DELE1: variants seen among roughly 807,000 people sequenced by gnomAD.
The protein encoded by DELE1 is DAP3 binding cell death enhancer 1, also known as death ligand signal enhancer.
Under a neutral mutation model 59.3 loss-of-function variants are expected in DELE1, and 54 were observed. The ratio of observed to expected loss-of-function variants is 0.91; its 90% CI spans 0.73 to 1.14. The LOEUF is 1.14. Among genes scored for constraint, DELE1 ranks in the 50% most tolerant of loss-of-function variants. The pLI is 0.00. For synonymous variants in DELE1, 264 were observed against 259.1 expected, an observed-to-expected ratio of 1.02 and a Z score of -0.18; for missense variants, 636 against 643.9, an observed-to-expected ratio of 0.99 and a Z score of 0.13.
intron 7 of DELE1, among the ~76,000 whole-genome samples, chr5:141,932,889 G>A (rs970364589): frequency 5.9e-5 from 9 of 151,992 alleles, no homozygotes; most frequent in African/African-American, 2.2e-4. Context: ...GAGATCAAGA[G>A]TTTGAGACAA....
At chr5:141,936,993 A>G in intron 10 of DELE1, 2 of 1,418,912 alleles carry the variant, frequency 1.4e-6, no homozygotes, top group Non-Finnish European at 9.2e-7. Context: ...GGGTGGAGGG[A>G]TCCCCCTCTC....
intron 10 of DELE1, among the ~76,000 whole-genome samples, chr5:141,935,254 G>C (rs1179080163): frequency 1.3e-5 from 2 of 152,106 alleles, no homozygotes; most frequent in African/African-American, 4.8e-5. Context: ...TAGTTCTCTG[G>C]GATGCTTGTA....
rs190362003 is a variant in DELE1 at position 141,928,122 on chromosome 5, C to T, written c.265-29C>T. 3.7e-4 allele frequency: 597 copies of T among 1,605,168 alleles called. 4 individuals carry two copies. In the Middle Eastern group the frequency reaches 7.5e-3, roughly 20 times the overall value. ...TCTGATGGAGTTGATTGGTGAAGGACCGTGTCCTTAACGTGCTGTCTTTCC... is the reference window on the plus strand; with the variant it reads ...TCTGATGGAGTTGATTGGTGAAGGATCGTGTCCTTAACGTGCTGTCTTTCC... On this transcript the variant is annotated intron_variant, in intron 3 of 11. Coordinates refer to ENST00000432126, the MANE Select transcript of DELE1 (RefSeq NM_014773.5).
rs771502866 is a variant in DELE1, at chr5:141,925,452, C to G, written c.189C>G (p.Ser63=). Residue 63 remains serine (S), a synonymous_variant, in exon 3 of 12, where the codon TCC becomes TCG. Transcript: ENST00000432126. ...HGPGTSGGPR[S]HGWKDAFQWM... ...CAGGCACGAGCGGGGGTCCAAGGTC[C>G]CATGGATGGAAGGATGCCTTCCAAT... The G allele has an allele frequency of 1.9e-6, 3 of 1,604,046 alleles. No homozygotes were observed. Among genetic ancestry groups the G allele is most frequent in the Non-Finnish European group, 2.6e-6 (3 of 1,175,562 alleles).
At chr5:141,934,848 T>C in intron 10 of DELE1, 1 of 505,328 alleles carries the variant, frequency 2.0e-6, no homozygotes, top group Non-Finnish European at 3.5e-6. Context: ...CAGAAATTGC[T>C]AAATGCCATA....
chr5:141,930,151 G>A (rs758595459), intron 6 of DELE1, 27 bp from the exon 7 acceptor site: 3 of 1,608,154 alleles, frequency 1.9e-6, no homozygotes, highest in Admixed American at 3.3e-5. Flanking sequence ...ACCATCCCTT[G>A]GTGAGTCTTT....
Position 141,941,799 on chromosome 5 carries a change from A to G in DELE1, c.*3040A>G. ...GGGCACTCAGATGTTCAGTAAATAT[A>G]CATTCAACAAATAAGTGAGTGATTA... On this transcript the variant is annotated 3_prime_UTR_variant, in exon 12 of 12. Transcript: ENST00000432126. 2.0e-6 allele frequency: 2 copies of G among 985,398 alleles called. No homozygotes were observed. Among genetic ancestry groups the G allele is most frequent in the Non-Finnish European group, 2.4e-6 (2 of 829,926 alleles). The allele number at this position is 985,398 out of a possible 1,614,324, so 61.0% of individuals were successfully genotyped here.
At chr5:141,931,701 T>A (rs1429179347) in intron 7 of DELE1, among the ~76,000 whole-genome samples, 1 of 152,168 alleles carries the variant, frequency 6.6e-6, no homozygotes, top group Non-Finnish European at 1.5e-5. Flanking sequence ...TTGAGTCTTC[T>A]ACCCAAGGGC....
chr5:141,925,549 C>A (rs1278317074), intron 3 of DELE1, 22 bp downstream of exon 3: 1 of 1,489,212 alleles, frequency 6.7e-7, no homozygotes, highest in Admixed American at 1.9e-5. Flanking sequence ...CCAGCCTGGT[C>A]CTTGACCTTC....
chr5:141,929,562 C>T lies in DELE1; in HGVS notation c.413-20C>T, dbSNP rs1751717346. ...ATCGCGCCTGGCCCAGACCTGACTA[C>T]TCTTGCTGGCTCTTTCCAGCACTGC... On this transcript the variant is annotated intron_variant, in intron 4 of 11. Transcript: ENST00000432126. The T allele has an allele frequency of 2.5e-6, 4 of 1,611,460 alleles. No homozygotes were observed. In the East Asian group the frequency reaches 8.9e-5, roughly 36 times the overall value.
At chr5:141,925,686 C>A (rs1019901744) in intron 3 of DELE1, among the ~76,000 whole-genome samples, 159 bp downstream of exon 3, 3 of 152,146 alleles carry the variant, frequency 2.0e-5, no homozygotes, top group Non-Finnish European at 4.4e-5. Flanking sequence ...TTGCCACTTT[C>A]CACACCCCCG....
At chr5:141,927,132 A>G (rs1295410598) in intron 3 of DELE1, among the ~76,000 whole-genome samples, 3 of 152,180 alleles carry the variant, frequency 2.0e-5, no homozygotes, top group African/African-American at 7.2e-5. Flanking sequence ...TTGTCTTTCT[A>G]AACACAAGAT....
intron 3 of DELE1, among the ~76,000 whole-genome samples, chr5:141,926,464 A>T (rs992577929): frequency 6.6e-6 from 1 of 152,232 alleles, no homozygotes; most frequent in Non-Finnish European, 1.5e-5. Flanking sequence ...GATTCTTACT[A>T]GTGAACACTA....
intron 10 of DELE1, among the ~76,000 whole-genome samples, chr5:141,936,160 G>A (rs1010695033): frequency 6.6e-6 from 1 of 152,198 alleles, no homozygotes; most frequent in African/African-American, 2.4e-5. Flanking sequence ...TTTTCATATA[G>A]TGTATTTAAT....
chr5:141,933,105 A>ATATAT (rs1440686617), intron 7 of DELE1, among the ~76,000 whole-genome samples, 154 bp from the exon 8 acceptor site: 2 of 139,238 alleles, frequency 1.4e-5, no homozygotes, highest in African/African-American at 5.6e-5. Flanking sequence ...AAAAAAAAAA[A>ATATAT]AAAAAAATAT....
In DELE1 at chr5:141,934,314, A is replaced by G; in HGVS notation, c.972A>G (p.Leu324=). The change falls in exon 9 of 12, where the codon CTA becomes CTG. Residue 324 remains leucine (L), a synonymous_variant. Coordinates refer to ENST00000432126, the MANE Select transcript of DELE1 (RefSeq NM_014773.5). ...LAQYRYARCL[L]RDPASSWNPE... ...AGTACCGCTATGCCAGGTGCCTACT[A>G]CGAGACCCAGCCTCTTCGTGGAACC... 3 of 1,614,184 alleles carry G rather than the reference A, an allele frequency of 1.9e-6. No individual in the cohort carries two copies. The highest frequency in any genetic ancestry group is 8.5e-7 in the Non-Finnish European group (1 of 1,180,040).
chr5:141,935,277 A>G (rs1030108245), intron 10 of DELE1, among the ~76,000 whole-genome samples: 1 of 152,148 alleles, frequency 6.6e-6, no homozygotes, highest in Non-Finnish European at 1.5e-5. Context: ...TCATAAGAGG[A>G]AAAAAATGGT....
chr5:141,930,099 G>A, intron 6 of DELE1, 25 bp downstream of exon 6: 1 of 1,611,632 alleles, frequency 6.2e-7, no homozygotes, highest in Non-Finnish European at 8.5e-7. Flanking sequence ...TGGCCACCTG[G>A]ATCCCCATAA....
intron 5 of DELE1, 67 bp from the exon 6 acceptor site, chr5:141,929,922 G>A (rs1052556911): frequency 6.5e-7 from 1 of 1,549,914 alleles, no homozygotes; most frequent in Non-Finnish European, 8.9e-7. Flanking sequence ...GGTAGACTGG[G>A]AGAGTCGGAG....
Sources: gnomAD v4.1 joint callset for allele counts (sites outside exome capture counted in the v4.1 genomes callset) on GRCh38, gnomAD v4.1.1 for gene constraint, MANE v1.5 for transcripts, NCBI Gene and HGNC (gene_info 2026-07-23, HGNC 2026-07-21) for gene names.